Variants in RPS6KL1 observed in about 807,000 individuals in gnomAD.
RPS6KL1 encodes the protein ribosomal protein S6 kinase like 1.
Under a neutral mutation model 57.0 loss-of-function variants are expected in RPS6KL1, and 41 were observed. The ratio of observed to expected loss-of-function variants is 0.72; its 90% CI spans 0.56 to 0.93. The LOEUF (loss-of-function observed/expected upper bound fraction) is 0.93, where lower values mean the gene tolerates loss of function less well. RPS6KL1 is among the 40% of genes least tolerant of loss of function. The probability of loss-of-function intolerance (pLI) is 0.00; values close to 1 mark genes in which losing one functional copy is unlikely to be tolerated. For synonymous variants in RPS6KL1, 287 were observed against 309.7 expected (o/e 0.93, Z 0.77); for missense variants, 697 against 727.7 (o/e 0.96, Z 0.49).
rs141343523 is a variant in RPS6KL1 at position 74,907,113 on chromosome 14, G to A, written c.1551C>T (p.Phe517=). 7.7e-5 allele frequency: 124 copies of A among 1,611,370 alleles called. 2 individuals are homozygous for A. In the South Asian group the frequency reaches 1.0e-3, roughly 13 times the overall value. ...CCATGCCCAGGCGCCGGGTAGGCTC[G>A]AACTGCAGCAGCTGCAGAGAGAGGC... ...AASLLTELLQ[F]EPTRRLGMGE... The change falls in exon 12 of 12, where the codon TTC becomes TTT. Residue 517 remains phenylalanine (F), a synonymous_variant. Coordinates refer to ENST00000557413, the MANE Select transcript of RPS6KL1 (RefSeq NM_031464.5).
chr14:74,909,355 GGCCCACAGA>G, intron 8 of RPS6KL1, 165 bp from the exon 9 acceptor site: 8 of 988,790 alleles, frequency 8.1e-6, no homozygotes, highest in Non-Finnish European at 1.2e-5. Context: ...AGCACTCTGA[GGCCCACAGA>G]GCCCACAGGG....
Position 74,907,100 on chromosome 14 carries a change from G to A in RPS6KL1, c.1564C>T (p.Arg522Cys), listed in dbSNP as rs376736810. The A allele has an allele frequency of 3.1e-6, 5 of 1,613,116 alleles. No individual in the cohort carries two copies. The highest frequency in any genetic ancestry group is 3.3e-5 in the Admixed American group (2 of 59,802). The change falls in exon 12 of 12, where the codon CGC becomes TGC. Residue 522 changes from arginine to cysteine, a missense_variant. By Grantham distance (180) the Arg-to-Cys change is radical (BLOSUM62 -3). Transcript: ENST00000557413. ...ACACCACCTTCTCCCATGCCCAGGCGCCGGGTAGGCTCGAACTGCAGCAGC... is the reference window on the plus strand; with the variant it reads ...ACACCACCTTCTCCCATGCCCAGGCACCGGGTAGGCTCGAACTGCAGCAGC... ...TELLQFEPTR[R>C]LGMGEGGVSK...
At position 74,907,443 on chromosome 14, in the gene RPS6KL1, G is replaced by A. The variant is rs536885155; in HGVS notation, c.1531C>T (p.Leu511=). ...EWLSRPAASL[L]TELLQFEPTR... ...GCCGGGCTACACCTCACCTCAGTCAGCAGAGAGGCCGCTGGGCGACTGAGC... is the reference window on the plus strand; with the variant it reads ...GCCGGGCTACACCTCACCTCAGTCAACAGAGAGGCCGCTGGGCGACTGAGC... The change falls in exon 11 of 12, where the codon CTG becomes TTG. Residue 511 remains leucine, a synonymous_variant. Transcript: ENST00000557413. The A allele has an allele frequency of 5.1e-6, 8 of 1,578,576 alleles. No individual in the cohort carries two copies. In the African/African-American group the frequency reaches 8.1e-5, roughly 16 times the overall value.
chr14:74,921,238 T>TTGCCCCCCCCCCCCCCCCCC, intron 3 of RPS6KL1, 39 bp downstream of exon 3: 2 of 840,174 alleles, frequency 2.4e-6, no homozygotes, highest in East Asian at 2.6e-5. Context: ...CACTGGCCCT[T>TTGCCCCCCCCCCCCCCCCCC]CCCCACCCAC....
chr14:74,917,962 G>A (rs1324358811), intron 5 of RPS6KL1, among the ~76,000 whole-genome samples: 2 of 152,136 alleles, frequency 1.3e-5, no homozygotes, highest in Admixed American at 6.5e-5. Context: ...GCAGGGCCTC[G>A]AGGACTGGCA....
At chr14:74,922,747 T>G (rs1888039484) in intron 1 of RPS6KL1, among the ~76,000 whole-genome samples, 1 of 152,152 alleles carries the variant, frequency 6.6e-6, no homozygotes, top group Admixed American at 6.5e-5. Context: ...GCCTTTGCTC[T>G]CCCAGGTCCC....
intron 10 of RPS6KL1, 118 bp from the exon 11 acceptor site, chr14:74,907,648 T>C: frequency 1.1e-6 from 1 of 925,992 alleles, no homozygotes; most frequent in Non-Finnish European, 1.6e-6. Flanking sequence ...ACAATAATGA[T>C]AGTTGCTACA....
In RPS6KL1 at chr14:74,907,078, C is replaced by A. The variant is rs1314876351; in HGVS notation, c.1586G>T (p.Gly529Val). ...GGGATGGGACTTGAGTTTGCTGACA[C>A]CACCTTCTCCCATGCCCAGGCGCCG... ...PTRRLGMGEG[G>V]VSKLKSHPFF... Residue 529 changes from glycine to valine, a missense_variant, in exon 12 of 12, where the codon GGT (glycine) becomes GTT (valine). Coordinates refer to ENST00000557413, the MANE Select transcript of RPS6KL1 (RefSeq NM_031464.5). The A allele has an allele frequency of 1.2e-6, 2 of 1,613,694 alleles. No homozygotes were observed. The highest frequency in any genetic ancestry group is 1.3e-5 in the African/African-American group (1 of 74,918).
chr14:74,917,147 G>C (rs947294899), intron 5 of RPS6KL1, among the ~76,000 whole-genome samples: 2 of 152,344 alleles, frequency 1.3e-5, no homozygotes, highest in Middle Eastern at 3.4e-3. Context: ...AGAAGCCTGC[G>C]TGCCTCCCAG....
intron 10 of RPS6KL1, among the ~76,000 whole-genome samples, chr14:74,908,150 G>C (rs1227042403): frequency 6.6e-6 from 1 of 152,222 alleles, no homozygotes; most frequent in African/African-American, 2.4e-5. Context: ...TGGGACGAAA[G>C]CAGGAGGGAG....
At chr14:74,913,810 A>G (rs1301278147) in intron 5 of RPS6KL1, among the ~76,000 whole-genome samples, 3 of 152,226 alleles carry the variant, frequency 2.0e-5, no homozygotes, top group Non-Finnish European at 4.4e-5. Context: ...TGTCGTGATT[A>G]TTACCAGTGT....
intron 4 of RPS6KL1, 138 bp from the exon 5 acceptor site, chr14:74,918,743 C>T (rs1280100791): frequency 5.0e-6 from 3 of 600,310 alleles, no homozygotes; most frequent in Non-Finnish European, 8.6e-6. Flanking sequence ...GCAGGCCCCA[C>T]CCCACAGTGG....
At chr14:74,912,338 G>A (rs1000172409) in intron 5 of RPS6KL1, among the ~76,000 whole-genome samples, 5 of 152,088 alleles carry the variant, frequency 3.3e-5, no homozygotes, top group Non-Finnish European at 5.9e-5. Context: ...GCCACCTGAC[G>A]GGAGGGCTGA....
chr14:74,921,212 G>GACA (rs1306309407), intron 3 of RPS6KL1, 65 bp downstream of exon 3: 2 of 1,411,434 alleles, frequency 1.4e-6, no homozygotes, highest in Middle Eastern at 2.2e-4. Flanking sequence ...ACAGATGGGT[G>GACA]ACAGGAAGAG....
At chr14:74,912,149 T>C (rs1271793423) in intron 5 of RPS6KL1, among the ~76,000 whole-genome samples, 1 of 152,162 alleles carries the variant, frequency 6.6e-6, no homozygotes, top group Admixed American at 6.5e-5. Context: ...TCACACTGTC[T>C]AATCTGTCTC....
rs1884823992 is a variant in RPS6KL1 at position 74,906,403 on chromosome 14, CGGGGGTG to C, written c.*604_*610del. 9.5e-6 allele frequency: 2 copies of C among 210,532 alleles called. No homozygotes were observed. Among genetic ancestry groups the C allele is most frequent in the African/African-American group, 9.7e-5 (1 of 10,268 alleles). The allele number at this position is 210,532 out of a possible 1,614,324, so 13.0% of individuals were successfully genotyped here. On this transcript the variant is annotated 3_prime_UTR_variant, in exon 12 of 12. Transcript: ENST00000557413. ...CAAGATAGGGGGCATGGTCAGGAAT[CGGGGGTG>C]GGGGGGTGGGGGTGGGGGTCATCCT...
At position 74,922,209 on chromosome 14, in the gene RPS6KL1, G is replaced by C. The variant is rs1480210642; in HGVS notation, c.-252C>G. On this transcript the variant is annotated 5_prime_UTR_variant, in exon 2 of 12. Transcript: ENST00000557413. ...GCCACCTTCACAGGGCCTCCGTAGA[G>C]CAAGCTTGGTATCCAGTACGCATTC... 1 of 987,068 alleles carries C rather than the reference G, an allele frequency of 1.0e-6. No individual in the cohort carries two copies. Among genetic ancestry groups the C allele is most frequent in the Non-Finnish European group, 1.2e-6 (1 of 831,092 alleles). The allele number at this position is 987,068 out of a possible 1,614,324, so 61.1% of individuals were successfully genotyped here.
chr14:74,909,674 GC>G lies in RPS6KL1; in HGVS notation c.1138del (p.Ala380ProfsTer5). 1 of 1,609,704 alleles carries G rather than the reference GC, an allele frequency of 6.2e-7. No homozygotes were observed. ...CTGCTCCTCTCTCACACTCCAGGTG[GC>G]CCTGCCACAGCCCCGGCCGGCCCCA... ...ADGAGRGCGR[A>X]TWSVREEQVK... On this transcript the variant is annotated frameshift_variant, in exon 8 of 12. Transcript: ENST00000557413. LOFTEE classifies it high-confidence loss of function.
At chr14:74,921,781 T>TC (rs770114920) in intron 2 of RPS6KL1, 197 bp downstream of exon 2, 224 of 1,240,144 alleles carry the variant, frequency 1.8e-4, no homozygotes, top group Non-Finnish European at 2.1e-4. Context: ...TCTTTTCTTT[T>TC]TTTTTTTTTT....
Sources: gnomAD v4.1 joint callset for allele counts (sites outside exome capture counted in the v4.1 genomes callset) on GRCh38, gnomAD v4.1.1 for gene constraint, MANE v1.5 for transcripts, NCBI Gene and HGNC (gene_info 2026-07-23, HGNC 2026-07-21) for gene names.